The following TEPSIN variants were observed in gnomAD, a reference collection of about 807,000 sequenced individuals.
TEPSIN encodes AP-4 complex accessory subunit tepsin.
A neutral mutation model predicts 48.5 loss-of-function variants in TEPSIN; 50 were observed. The ratio of observed to expected loss-of-function variants is 1.03; its 90% CI spans 0.82 to 1.31. The LOEUF is 1.31. Among genes scored for constraint, TEPSIN ranks in the 50% most tolerant of loss-of-function variants. TEPSIN has a pLI of 0.00. For synonymous variants in TEPSIN, 392 were observed against 358.8 expected, an observed-to-expected ratio of 1.09 and a Z score of -1.05; for missense variants, 838 against 815.9, an observed-to-expected ratio of 1.03 and a Z score of -0.33.
In TEPSIN at chr17:81,233,892, G is replaced by A. The variant is rs2062672455; in HGVS notation, c.375+89C>T. 1 of 1,455,038 alleles carries A rather than the reference G, an allele frequency of 6.9e-7. No individual in the cohort carries two copies. Among genetic ancestry groups the A allele is most frequent in the Non-Finnish European group, 9.2e-7 (1 of 1,084,988 alleles). 90.1% of individuals were successfully genotyped at this position (1,455,038 alleles called of 1,614,324 possible). On this transcript the variant is annotated intron_variant, in intron 5 of 12. Transcript: ENST00000637944. This position sits in a 1 kb window ranked among gnomAD's most constrained non-coding sequence, Gnocchi z 5.8. ...GGCAGGGGTCCCGGATGGGAGAACT[G>A]CAAACCCCCCAGCTGACATCCTGGC...
At position 81,230,857 on chromosome 17, in the gene TEPSIN, A is replaced by G; in HGVS notation, c.1099-179T>C. On this transcript the variant is annotated intron_variant, in intron 11 of 12. Coordinates refer to ENST00000637944, the MANE Select transcript of TEPSIN (RefSeq NM_001363764.2). The surrounding 1 kb of genome is among the most constrained non-coding windows in gnomAD (Gnocchi z 4.2). ...CCGCCTTACACCCCGGATCCCAGAC[A>G]CCACAGCCCTGTCCTCACCACCTTA... is the stretch of plus-strand genomic sequence containing the variant. 1 of 779,972 alleles carries G rather than the reference A, an allele frequency of 1.3e-6. No individual in the cohort carries two copies. 48.3% of individuals were successfully genotyped at this position (779,972 alleles called of 1,614,324 possible). A position where few individuals can be genotyped will look rare whatever the true frequency, so the allele number is the denominator to read the frequency against.
chr17:81,234,804 G>A lies in TEPSIN; in HGVS notation c.308-756C>T, dbSNP rs11652662. ...CTGCCATCTTCCCTGCAGGAGCCCA[G>A]GGCACCCACCTGCCACCCCACGCTG... is the stretch of plus-strand genomic sequence containing the variant. On this transcript the variant is annotated intron_variant, in intron 4 of 12. Coordinates refer to ENST00000637944, the MANE Select transcript of TEPSIN (RefSeq NM_001363764.2). The surrounding 1 kb of genome is among the most constrained non-coding windows in gnomAD (Gnocchi z 5.4). Among the ~76,000 whole-genome samples the A allele has an allele frequency of 0.42, 64,092 of 151,810 alleles. 13,859 individuals carry two copies. Among genetic ancestry groups the A allele is most frequent in the Non-Finnish European group, 0.47 (32,131 of 67,922 alleles).
At position 81,230,521 on chromosome 17, in the gene TEPSIN, G is replaced by A. The variant is rs189549987; in HGVS notation, c.1233+23C>T. Reference sequence around the variant, plus strand: ...ACTGTACCCTTGGACCCCGGTGTGCGTGTGGCCTCCGCAGCTGCCCACCTT... The same window carrying A: ...ACTGTACCCTTGGACCCCGGTGTGCATGTGGCCTCCGCAGCTGCCCACCTT... On this transcript the variant is annotated intron_variant, in intron 12 of 12. Transcript: ENST00000637944. This position sits in a 1 kb window ranked among gnomAD's most constrained non-coding sequence, Gnocchi z 4.2. The A allele has an allele frequency of 2.4e-3, 3,784 of 1,609,460 alleles. 7 individuals carry two copies. Among genetic ancestry groups the A allele is most frequent in the Non-Finnish European group, 2.9e-3 (3,453 of 1,178,906 alleles).
Position 81,228,509 on chromosome 17 carries a change from A to G in TEPSIN, c.*419T>C. On this transcript the variant is annotated 3_prime_UTR_variant, in exon 13 of 13. Coordinates refer to ENST00000637944, the MANE Select transcript of TEPSIN (RefSeq NM_001363764.2). ...AAGACACCCTCAACCCACATGCACC[A>G]AACCCAGCCTCAGCACCTAGCCCAC... 3.5e-6 allele frequency: 1 copy of G among 284,812 alleles called. No homozygotes were observed. The highest frequency in any genetic ancestry group is 3.2e-5 in the South Asian group (1 of 31,374). 17.6% of individuals were successfully genotyped at this position (284,812 alleles called of 1,614,324 possible).
At position 81,229,431 on chromosome 17, in the gene TEPSIN, G is replaced by C. The variant is rs760300120; in HGVS notation, c.1279C>G (p.Arg427Gly). The change falls in exon 13 of 13, where the codon CGG (arginine) becomes GGG (glycine). Residue 427 changes from arginine (R) to glycine (G), a missense_variant. By Grantham distance (125) the Arg-to-Gly change is moderately radical. Transcript: ENST00000637944. ...GGGCCAGGCTCAGCTGAGGTGCCCCGGGCAGGGGACAGCTGCCCACAGGAG... is the reference window on the plus strand; with the variant it reads ...GGGCCAGGCTCAGCTGAGGTGCCCCCGGCAGGGGACAGCTGCCCACAGGAG... ...EASCGQLSPA[R>G]GTSAEPGPTA... 13 of 1,550,010 alleles carry C rather than the reference G, an allele frequency of 8.4e-6. No individual in the cohort carries two copies. The East Asian group carries it at 3.2e-4, about 38-fold the overall frequency.
At chr17:81,235,343 C>T (rs956003331) in intron 4 of TEPSIN, among the ~76,000 whole-genome samples, 1 of 152,220 alleles carries the variant, frequency 6.6e-6, no homozygotes, top group Non-Finnish European at 1.5e-5. Context: ...ATCCTCACTG[C>T]ACACCCACCA....
rs552267730 is a variant in TEPSIN, at chr17:81,238,103, C to G, written c.49-644G>C. Reference sequence around the variant, plus strand: ...TAGAGTTCAAGAGTATTTAACAGGACAAGCATGGGACCCACCGCGTGAGGT... The same window carrying G: ...TAGAGTTCAAGAGTATTTAACAGGAGAAGCATGGGACCCACCGCGTGAGGT... On this transcript the variant is annotated intron_variant, in intron 1 of 12. Transcript: ENST00000637944. The G allele has an allele frequency of 5.1e-6, 5 of 986,334 alleles. No homozygotes were observed. The African/African-American group carries it at 7.0e-5, about 14-fold the overall frequency. 61.1% of individuals were successfully genotyped at this position (986,334 alleles called of 1,614,324 possible). A position where few individuals can be genotyped will look rare whatever the true frequency, so the allele number is the denominator to read the frequency against.
chr17:81,237,114 T>C (rs2062737491), intron 2 of TEPSIN, 43 bp from the exon 3 acceptor site: 4 of 1,537,906 alleles, frequency 2.6e-6, no homozygotes. Flanking sequence ...TGATGAGGGC[T>C]GCGCCAGGCC....
intron 11 of TEPSIN, 98 bp downstream of exon 11, chr17:81,231,300 T>G (rs2062599270): frequency 8.1e-7 from 1 of 1,241,894 alleles, no homozygotes; most frequent in Admixed American, 2.4e-5. Context: ...CACACACAGG[T>G]GTGCACACAG....
Position 81,233,314 on chromosome 17 carries a change from T to C in TEPSIN, c.526+118A>G. 3 of 1,224,986 alleles carry C rather than the reference T, an allele frequency of 2.4e-6. No individual in the cohort carries two copies. Among genetic ancestry groups the C allele is most frequent in the Non-Finnish European group, 3.4e-6 (3 of 886,182 alleles). The allele number at this position is 1,224,986 out of a possible 1,614,324, so 75.9% of individuals were successfully genotyped here. A position where few individuals can be genotyped will look rare whatever the true frequency, so the allele number is the denominator to read the frequency against. On this transcript the variant is annotated intron_variant, in intron 7 of 12. Transcript: ENST00000637944. The surrounding 1 kb of genome is among the most constrained non-coding windows in gnomAD (Gnocchi z 5.8). ...ACAGCCCCAGGAAGGGTTGAGGCCATGTAGGGGAGGGGACGGGGGACAGCA... is the reference window on the plus strand; with the variant it reads ...ACAGCCCCAGGAAGGGTTGAGGCCACGTAGGGGAGGGGACGGGGGACAGCA...
intron 1 of TEPSIN, chr17:81,238,330 G>C (rs1487706978): frequency 2.7e-6 from 1 of 367,860 alleles, no homozygotes. Flanking sequence ...CTTGCACTGA[G>C]AGCCTTGACC....
intron 1 of TEPSIN, 171 bp from the exon 2 acceptor site, chr17:81,237,630 G>A: frequency 1.5e-6 from 1 of 686,706 alleles, no homozygotes; most frequent in Non-Finnish European, 2.4e-6. Context: ...GCTGCAGCAG[G>A]GTCCTCTCTC....
chr17:81,238,891 G>T (rs2062774684), intron 1 of TEPSIN, 95 bp downstream of exon 1: 2 of 1,368,308 alleles, frequency 1.5e-6, no homozygotes, highest in African/African-American at 1.5e-5. Context: ...GCGCGGAGAC[G>T]CAAGGTCAAT....
At chr17:81,237,319 C>G (rs534515486) in intron 2 of TEPSIN, 68 bp downstream of exon 2, 1 of 1,534,394 alleles carries the variant, frequency 6.5e-7, no homozygotes, top group East Asian at 2.3e-5. Context: ...TCCCCAGGAA[C>G]CCTTTGCACC....
rs2062672559 is a variant in TEPSIN at position 81,233,896 on chromosome 17, A to G, written c.375+85T>C. The stretch of plus-strand genomic sequence containing the variant: ...GGGGTCCCGGATGGGAGAACTGCAA[A>G]CCCCCCAGCTGACATCCTGGCCCCA... On this transcript the variant is annotated intron_variant, in intron 5 of 12. Transcript: ENST00000637944. This position sits in a 1 kb window ranked among gnomAD's most constrained non-coding sequence, Gnocchi z 5.8. 3 of 1,460,636 alleles carry G rather than the reference A, an allele frequency of 2.1e-6. No individual in the cohort carries two copies. In the South Asian group the frequency reaches 3.9e-5, roughly 19 times the overall value. The allele number at this position is 1,460,636 out of a possible 1,614,324, so 90.5% of individuals were successfully genotyped here. A position where few individuals can be genotyped will look rare whatever the true frequency, so the allele number is the denominator to read the frequency against.
intron 12 of TEPSIN, 190 bp from the exon 13 acceptor site, chr17:81,229,666 T>C: frequency 6.3e-6 from 4 of 634,874 alleles, no homozygotes; most frequent in Non-Finnish European, 1.1e-5. Flanking sequence ...GAGCAGCTGC[T>C]GGGCTGGTGC....
At chr17:81,232,837 C>T (rs1300719332) in intron 7 of TEPSIN, 28 of 333,052 alleles carry the variant, frequency 8.4e-5, no homozygotes, top group Non-Finnish European at 1.3e-4. Context: ...GTCCAGGGCT[C>T]GGGGAGGGGC....
Position 81,229,028 on chromosome 17 carries a change from C to T in TEPSIN, c.1682G>A (p.Cys561Tyr). 1 of 1,613,408 alleles carries T rather than the reference C, an allele frequency of 6.2e-7. No homozygotes were observed. The highest frequency in any genetic ancestry group is 8.5e-7 in the Non-Finnish European group (1 of 1,179,960). Reference protein sequence around the residue: ...VGAGAAAGESCPDAPRAPQTS... With the variant: ...VGAGAAAGESYPDAPRAPQTS... ...TTGGGGGGCGCGGGGAGCATCAGGA[C>T]AGGACTCTCCCGCAGCAGCCCCAGC... Residue 561 changes from cysteine (C) to tyrosine (Y), a missense_variant, in exon 13 of 13, where the codon TGT becomes TAT. By Grantham distance (194) the Cys-to-Tyr change is radical. Transcript: ENST00000637944.
rs147469175 is a variant in TEPSIN at position 81,229,012 on chromosome 17, G to A, written c.1698C>T (p.Arg566=). 135 of 1,613,558 alleles carry A rather than the reference G, an allele frequency of 8.4e-5. No homozygotes were observed. Among genetic ancestry groups the A allele is most frequent in the African/African-American group, 3.9e-4 (29 of 75,040 alleles). Reference sequence around the variant, plus strand: ...TCCTCTGGGACGATGTTTGGGGGGCGCGGGGAGCATCAGGACAGGACTCTC... The same window carrying A: ...TCCTCTGGGACGATGTTTGGGGGGCACGGGGAGCATCAGGACAGGACTCTC... ...AAGESCPDAP[R]APQTSSQRTA... Residue 566 remains arginine, a synonymous_variant, in exon 13 of 13, where the codon CGC becomes CGT. Coordinates refer to ENST00000637944, the MANE Select transcript of TEPSIN (RefSeq NM_001363764.2).
Sources: allele counts gnomAD v4.1 joint callset (sites outside exome capture counted in the v4.1 genomes callset), GRCh38; gene constraint gnomAD v4.1.1; non-coding constraint Gnocchi (gnomAD v3.1); transcripts MANE v1.5; gene names NCBI Gene and HGNC (gene_info 2026-07-23, HGNC 2026-07-21).